VAPB: variants seen among roughly 807,000 people sequenced by gnomAD.
VAPB encodes the protein VAMP associated protein B and C.
Under a neutral mutation model 25.6 loss-of-function variants are expected in VAPB, and 7 were observed. The observed-to-expected ratio is 0.27, with a 90% confidence interval of 0.16 to 0.51. The LOEUF is 0.51. Ranked by LOEUF, VAPB falls within the 20% of genes least tolerant of loss-of-function variation. The pLI, the probability that VAPB is intolerant of heterozygous loss-of-function variation, is 0.97. For synonymous variants in VAPB, 112 were observed against 109.2 expected (o/e 1.03, Z -0.16); for missense variants, 266 against 301.3 (o/e 0.88, Z 0.87).
intron 2 of VAPB, among the ~76,000 whole-genome samples, chr20:58,419,081 ACTT>A (rs1292977577): frequency 3.9e-5 from 6 of 152,292 alleles, no homozygotes; most frequent in South Asian, 4.1e-4. Flanking sequence ...GCTCATTAGA[ACTT>A]CTCCATCCAA....
At chr20:58,443,496 A>AGG (rs963128306) in intron 5 of VAPB, among the ~76,000 whole-genome samples, 18 of 150,668 alleles carry the variant, frequency 1.2e-4, no homozygotes, top group African/African-American at 4.4e-4. Flanking sequence ...ATGTTGACCA[A>AGG]GGGGTAGTCT....
Position 58,444,610 on chromosome 20 carries a change from C to G in VAPB, c.*375C>G, listed in dbSNP as rs540854828. ...CCCTTCCTCGCCTGTTGGTGCTGGC[C>G]CTTGGGGAGCTGGAGCCCAGCATGC... On this transcript the variant is annotated 3_prime_UTR_variant, in exon 6 of 6. Coordinates refer to ENST00000475243, the MANE Select transcript of VAPB (RefSeq NM_004738.5). The G allele has an allele frequency of 2.3e-3, 1,070 of 456,148 alleles. 4 individuals carry two copies. Among genetic ancestry groups the G allele is most frequent in the Non-Finnish European group, 3.8e-3 (859 of 228,184 alleles). 28.3% of individuals were successfully genotyped at this position (456,148 alleles called of 1,614,324 possible). A position where few individuals can be genotyped will look rare whatever the true frequency, so the allele number is the denominator to read the frequency against.
At chr20:58,423,198 G>A (rs1443070344) in intron 2 of VAPB, among the ~76,000 whole-genome samples, 1 of 151,854 alleles carries the variant, frequency 6.6e-6, no homozygotes, top group Admixed American at 6.6e-5. Flanking sequence ...GATCACCTGA[G>A]GTTGGGAATT....
At chr20:58,404,567 C>G (rs745343402) in intron 1 of VAPB, among the ~76,000 whole-genome samples, 1 of 152,108 alleles carries the variant, frequency 6.6e-6, no homozygotes, top group Non-Finnish European at 1.5e-5. Flanking sequence ...GAGTGTGAAC[C>G]CTAGATTTGC....
Position 58,444,282 on chromosome 20 carries a change from T to A in VAPB, c.*47T>A. On this transcript the variant is annotated 3_prime_UTR_variant, in exon 6 of 6. Coordinates refer to ENST00000475243, the MANE Select transcript of VAPB (RefSeq NM_004738.5). ...AAATTGGATTGGTGGATCCACCATATCATGGGATTTAAATTTATCATAACC... is the reference window on the plus strand; with the variant it reads ...AAATTGGATTGGTGGATCCACCATAACATGGGATTTAAATTTATCATAACC... The A allele has an allele frequency of 6.2e-7, 1 of 1,613,320 alleles. No individual in the cohort carries two copies. The highest frequency in any genetic ancestry group is 8.5e-7 in the Non-Finnish European group (1 of 1,179,228).
chr20:58,443,033 G>C (rs1989196600), intron 5 of VAPB, among the ~76,000 whole-genome samples: 1 of 152,138 alleles, frequency 6.6e-6, no homozygotes, highest in South Asian at 2.1e-4. Flanking sequence ...GCTTGGCTTT[G>C]AGAGCATGGA....
At chr20:58,396,584 T>C (rs1282988911) in intron 1 of VAPB, among the ~76,000 whole-genome samples, 1 of 152,074 alleles carries the variant, frequency 6.6e-6, no homozygotes, top group African/African-American at 2.4e-5. Flanking sequence ...GCTCAGAGAA[T>C]GGAGGGGAAT....
chr20:58,403,594 C>T (rs1260861474), intron 1 of VAPB, among the ~76,000 whole-genome samples: 3 of 152,240 alleles, frequency 2.0e-5, no homozygotes, highest in African/African-American at 7.2e-5. Flanking sequence ...CTGTCCACCT[C>T]TTTATCATCT....
intron 1 of VAPB, among the ~76,000 whole-genome samples, chr20:58,412,684 G>T (rs1464474409): frequency 1.3e-5 from 2 of 152,006 alleles, no homozygotes; most frequent in Non-Finnish European, 2.9e-5. Context: ...GATAGGTAAG[G>T]CCTAGATTGA....
At chr20:58,410,513 T>G (rs1238834616) in intron 1 of VAPB, among the ~76,000 whole-genome samples, 1 of 152,022 alleles carries the variant, frequency 6.6e-6, no homozygotes, top group Non-Finnish European at 1.5e-5. Flanking sequence ...GCCTCCTGGG[T>G]TCAAACTGTT....
At chr20:58,439,304 C>T (rs972987364) in intron 4 of VAPB, 9 of 448,576 alleles carry the variant, frequency 2.0e-5, no homozygotes, top group Non-Finnish European at 2.9e-5. Context: ...TGTGGCCTGG[C>T]AAAGGTATAG....
chr20:58,392,465 T>C (rs1368673940), intron 1 of VAPB, among the ~76,000 whole-genome samples: 1 of 152,218 alleles, frequency 6.6e-6, no homozygotes, highest in Non-Finnish European at 1.5e-5. Flanking sequence ...AGAAGAGACA[T>C]CTGTGTGTGT....
Position 58,446,403 on chromosome 20 carries a change from A to G in VAPB, c.*2168A>G, listed in dbSNP as rs1989293655. ...GTGGTCCCCAACAGTGCCTAGGGGTACAGTACAGTCCCATTACACTAGAGC... is the reference window on the plus strand; with the variant it reads ...GTGGTCCCCAACAGTGCCTAGGGGTGCAGTACAGTCCCATTACACTAGAGC... On this transcript the variant is annotated 3_prime_UTR_variant, in exon 6 of 6. Coordinates refer to ENST00000475243, the MANE Select transcript of VAPB (RefSeq NM_004738.5). The G allele has an allele frequency of 2.2e-6, 1 of 454,036 alleles. No individual in the cohort carries two copies. Among genetic ancestry groups the G allele is most frequent in the South Asian group, 1.6e-5 (1 of 64,486 alleles). The allele number at this position is 454,036 out of a possible 1,614,324, so 28.1% of individuals were successfully genotyped here. A position where few individuals can be genotyped will look rare whatever the true frequency, so the allele number is the denominator to read the frequency against.
chr20:58,442,617 T>C (rs1275296153), intron 5 of VAPB, among the ~76,000 whole-genome samples: 1 of 152,220 alleles, frequency 6.6e-6, no homozygotes, highest in Non-Finnish European at 1.5e-5. Context: ...TTTGTGTTGG[T>C]TTATTCTGTC....
rs1989284538 is a variant in VAPB, at chr20:58,446,077, G to A, written c.*1842G>A. 2.2e-6 allele frequency: 1 copy of A among 453,902 alleles called. No individual in the cohort carries two copies. Among genetic ancestry groups the A allele is most frequent in the Admixed American group, 2.4e-5 (1 of 42,532 alleles). The allele number at this position is 453,902 out of a possible 1,614,324, so 28.1% of individuals were successfully genotyped here. A position where few individuals can be genotyped will look rare whatever the true frequency, so the allele number is the denominator to read the frequency against. On this transcript the variant is annotated 3_prime_UTR_variant, in exon 6 of 6. Transcript: ENST00000475243. The stretch of plus-strand genomic sequence containing the variant: ...GTAACTTCCTGTCTTCATGAAAAAA[G>A]TTGACTTTGAATCCCAGGTACTCAC...
rs193290516 is a variant in VAPB, at chr20:58,434,869, A to G, written c.315+164A>G. On this transcript the variant is annotated intron_variant, in intron 3 of 5. Transcript: ENST00000475243. ...CTTTATCTACCTTTATGGTTTTTCT[A>G]AAACTTTGAGGAATAATTTTAACAT... 2.3e-3 allele frequency among the ~76,000 whole-genome samples: 352 copies of G among 152,176 alleles called. 1 individual carries two copies. Among genetic ancestry groups the G allele is most frequent in the African/African-American group, 8.1e-3 (335 of 41,510 alleles).
At position 58,444,214 on chromosome 20, in the gene VAPB, T is replaced by A. The variant is rs747355144; in HGVS notation, c.711T>A (p.Ile237=). ...LVVLFFIVGV[I]IGKIAL ...TTTTGTTCTTTATCGTTGGTGTAAT[T>A]ATTGGGAAGATTGCCTTGTAGAGGT... is the stretch of plus-strand genomic sequence containing the variant. Residue 237 remains isoleucine (I), a synonymous_variant, in exon 6 of 6, where the codon ATT becomes ATA. Transcript: ENST00000475243. 6.2e-7 allele frequency: 1 copy of A among 1,614,202 alleles called. No individual in the cohort carries two copies. Among genetic ancestry groups the A allele is most frequent in the Admixed American group, 1.7e-5 (1 of 60,024 alleles).
At chr20:58,405,054 A>C (rs1568701334) in intron 1 of VAPB, among the ~76,000 whole-genome samples, 1 of 152,196 alleles carries the variant, frequency 6.6e-6, no homozygotes, top group Non-Finnish European at 1.5e-5. Flanking sequence ...GTAGGTGATA[A>C]ATGGGAAAAA....
intron 1 of VAPB, among the ~76,000 whole-genome samples, chr20:58,397,052 G>A (rs1987975270): frequency 6.6e-6 from 1 of 152,142 alleles, no homozygotes; most frequent in African/African-American, 2.4e-5. Context: ...ATAGCTGTCA[G>A]GACAATTTCT....
Sources: allele counts gnomAD v4.1 joint callset (sites outside exome capture counted in the v4.1 genomes callset), GRCh38; gene constraint gnomAD v4.1.1; transcripts MANE v1.5; gene names NCBI Gene and HGNC (gene_info 2026-07-23, HGNC 2026-07-21).